Variants in RALGPS1 observed in about 807,000 individuals in gnomAD.
RALGPS1 encodes Ral GEF with PH domain and SH3 binding motif 1.
A neutral mutation model predicts 78.8 loss-of-function variants in RALGPS1; 19 were observed. That is an observed-to-expected ratio of 0.24 (90% CI 0.17 to 0.35). The LOEUF is 0.35. Ranked by LOEUF, RALGPS1 falls within the 10% of genes least tolerant of loss-of-function variation. The pLI is 1.00. For missense variants in RALGPS1, 454 were observed against 688.3 expected, an observed-to-expected ratio of 0.66 and a Z score of 3.81; for synonymous variants, 228 against 256.3, an observed-to-expected ratio of 0.89 and a Z score of 1.06.
chr9:127,074,587 A>G lies in RALGPS1; in HGVS notation c.610+5231A>G, dbSNP rs570120531. On this transcript the variant is annotated intron_variant, in intron 8 of 18. Coordinates refer to ENST00000259351, the MANE Select transcript of RALGPS1 (RefSeq NM_014636.3). ...CCACTAGCAGAGGTGTTCCAGGGTC[A>G]TTAAGGATGGCCTCTTTTCTCGAAT... Among the ~76,000 whole-genome samples, 7 of 152,344 alleles carry G rather than the reference A, an allele frequency of 4.6e-5. No homozygotes were observed. In the East Asian group the frequency reaches 9.6e-4, roughly 21 times the overall value.
chr9:127,138,340 G>A (rs2057538565), intron 8 of RALGPS1, among the ~76,000 whole-genome samples: 1 of 152,178 alleles, frequency 6.6e-6, no homozygotes, highest in Admixed American at 6.5e-5. Context: ...TGGGAAGAGA[G>A]GCCAGAATGC....
At chr9:126,982,245 G>T (rs1340049209) in intron 4 of RALGPS1, among the ~76,000 whole-genome samples, 1 of 152,194 alleles carries the variant, frequency 6.6e-6, no homozygotes, top group Non-Finnish European at 1.5e-5. Context: ...AGGAAGTGGG[G>T]GACCCCTTGG....
chr9:127,103,601 T>G (rs1346161597), intron 8 of RALGPS1, among the ~76,000 whole-genome samples: 1 of 152,220 alleles, frequency 6.6e-6, no homozygotes, highest in Non-Finnish European at 1.5e-5. Context: ...CACGTTGTAC[T>G]TTCTACTGGG....
intron 8 of RALGPS1, among the ~76,000 whole-genome samples, chr9:127,137,533 G>A (rs1192505631): frequency 6.6e-6 from 1 of 152,254 alleles, no homozygotes. Context: ...CACCCTGCCA[G>A]TGGGGCTGTC....
chr9:127,157,961 C>T (rs762398112), intron 8 of RALGPS1, among the ~76,000 whole-genome samples: 1 of 152,066 alleles, frequency 6.6e-6, no homozygotes. Flanking sequence ...TTTATCACAT[C>T]AAGGAAGTCT....
At position 127,211,552 on chromosome 9, in the gene RALGPS1, G is replaced by A. The variant is rs968747878; in HGVS notation, c.1248-579G>A. On this transcript the variant is annotated intron_variant, in intron 14 of 18. Transcript: ENST00000259351. The surrounding 1 kb of genome is among the most constrained non-coding windows in gnomAD (Gnocchi z 5.0). ...GAGGCACCGGCAGATCCGGAGCTCA[G>A]GAGGGAGGTGTGGGCTGCCATGCCC... Among the ~76,000 whole-genome samples the A allele has an allele frequency of 6.6e-6, 1 of 152,190 alleles. No homozygotes were observed. The highest frequency in any genetic ancestry group is 2.4e-5 in the African/African-American group (1 of 41,430).
chr9:127,046,009 G>A (rs2047738388), intron 5 of RALGPS1, among the ~76,000 whole-genome samples: 1 of 152,164 alleles, frequency 6.6e-6, no homozygotes, highest in Admixed American at 6.5e-5. Flanking sequence ...AGAAGGTAAG[G>A]AAGTGCTCAA....
At position 126,966,718 on chromosome 9, in the gene RALGPS1, A is replaced by G. The variant is rs1222250096; in HGVS notation, c.165+767A>G. Reference sequence around the variant, plus strand: ...TTCTTTTTGTTTATGTATACTTTCTATATTTTTATAACAACCATTTTCTAC... The same window carrying G: ...TTCTTTTTGTTTATGTATACTTTCTGTATTTTTATAACAACCATTTTCTAC... On this transcript the variant is annotated intron_variant, in intron 3 of 18. Coordinates refer to ENST00000259351, the MANE Select transcript of RALGPS1 (RefSeq NM_014636.3). Among the ~76,000 whole-genome samples, 5 of 152,034 alleles carry G rather than the reference A, an allele frequency of 3.3e-5. No individual in the cohort carries two copies. In the East Asian group the frequency reaches 5.8e-4, roughly 18 times the overall value.
At chr9:126,921,867 C>T (rs1396864095) in intron 1 of RALGPS1, among the ~76,000 whole-genome samples, 2 of 152,220 alleles carry the variant, frequency 1.3e-5, no homozygotes, top group Non-Finnish European at 2.9e-5. Context: ...ATAGTGTCCT[C>T]TTTTCACCCA....
chr9:127,154,946 C>T (rs901720900), intron 8 of RALGPS1, among the ~76,000 whole-genome samples: 1 of 152,176 alleles, frequency 6.6e-6, no homozygotes, highest in African/African-American at 2.4e-5. Context: ...TGGGCAGCCT[C>T]GGTTCTACCC....
At chr9:126,950,810 A>G (rs2037738426) in intron 1 of RALGPS1, among the ~76,000 whole-genome samples, 1 of 151,466 alleles carries the variant, frequency 6.6e-6, no homozygotes, top group African/African-American at 2.4e-5. Context: ...AGAAATAACT[A>G]AAATCAGAGC....
intron 13 of RALGPS1, among the ~76,000 whole-genome samples, chr9:127,196,952 T>G (rs1380594073): frequency 6.6e-6 from 1 of 152,200 alleles, no homozygotes; most frequent in Admixed American, 6.5e-5. Context: ...CAGACCAGAC[T>G]GGACCACAGT....
At chr9:127,095,397 C>T (rs933685505) in intron 8 of RALGPS1, among the ~76,000 whole-genome samples, 2 of 152,132 alleles carry the variant, frequency 1.3e-5, no homozygotes, top group Admixed American at 6.5e-5. Flanking sequence ...GACAAGACTC[C>T]GTCTCAAAAA....
chr9:127,068,349 G>A (rs1372734905), intron 7 of RALGPS1, among the ~76,000 whole-genome samples: 2 of 152,176 alleles, frequency 1.3e-5, no homozygotes, highest in Admixed American at 1.3e-4. Context: ...AGATGGTGAG[G>A]AGAGCAAATA....
intron 5 of RALGPS1, among the ~76,000 whole-genome samples, chr9:127,048,267 C>T (rs1265421613): frequency 6.6e-6 from 1 of 152,268 alleles, no homozygotes; most frequent in Admixed American, 6.5e-5. Flanking sequence ...ATCCAGCCGT[C>T]CCTGGTCATG....
intron 4 of RALGPS1, among the ~76,000 whole-genome samples, chr9:127,002,770 A>G (rs1236135425): frequency 6.6e-6 from 1 of 152,064 alleles, no homozygotes; most frequent in Non-Finnish European, 1.5e-5. Context: ...TACAAAGGAC[A>G]TGAACTCATC....
intron 5 of RALGPS1, among the ~76,000 whole-genome samples, chr9:127,036,398 A>G (rs1489442420): frequency 6.6e-6 from 1 of 152,238 alleles, no homozygotes; most frequent in Admixed American, 6.5e-5. Context: ...AAAGCAGGTC[A>G]CTTACCTGTC....
At chr9:127,210,801 ATT>A (rs1564802672) in intron 14 of RALGPS1, 2 of 1,536,634 alleles carry the variant, frequency 1.3e-6, no homozygotes, top group South Asian at 2.4e-5. Context: ...TCATGTGTTC[ATT>A]TGTTTGACAC....
At chr9:127,052,098 G>A (rs2048346068) in intron 6 of RALGPS1, among the ~76,000 whole-genome samples, 2 of 152,192 alleles carry the variant, frequency 1.3e-5, no homozygotes, top group African/African-American at 4.8e-5. Flanking sequence ...AGGCTCAGAA[G>A]GATTAGGACA....
Sources: gnomAD v4.1 joint callset for allele counts (sites outside exome capture counted in the v4.1 genomes callset) on GRCh38, gnomAD v4.1.1 for gene constraint, Gnocchi (gnomAD v3.1) non-coding constraint, MANE v1.5 for transcripts, NCBI Gene and HGNC (gene_info 2026-07-23, HGNC 2026-07-21) for gene names.